BAP1: variants seen among roughly 807,000 people sequenced by gnomAD.
BAP1 encodes BRCA1 associated deubiquitinase 1, also known as ubiquitin carboxyl-terminal hydrolase BAP1.
Under a neutral mutation model 77.2 loss-of-function variants are expected in BAP1, and 16 were observed. The observed-to-expected ratio is 0.21, with a 90% CI of 0.14 to 0.31. The LOEUF (loss-of-function observed/expected upper bound fraction) is 0.31, where lower values mean the gene tolerates loss of function less well. Among genes scored for constraint, BAP1 ranks in the 10% least tolerant of loss-of-function variants. BAP1 has a pLI of 1.00. For missense variants in BAP1, 699 were observed against 967.3 expected (o/e 0.72, Z 3.68); for synonymous variants, 362 against 385.2 (o/e 0.94, Z 0.71).
Position 52,406,631 on chromosome 3 carries a change from C to T in BAP1, c.659+198G>A, listed in dbSNP as rs962224776. 2 of 843,154 alleles carry T rather than the reference C, an allele frequency of 2.4e-6. No homozygotes were observed. Among genetic ancestry groups the T allele is most frequent in the Non-Finnish European group, 1.9e-6 (1 of 536,906 alleles). 52.2% of individuals were successfully genotyped at this position (843,154 alleles called of 1,614,324 possible). ...TAAGGCTCCACTGAGGCCTGCCCCT[C>T]CCCCAGCCCACCCAGGAGCAGGCCA... On this transcript the variant is annotated intron_variant, in intron 8 of 16. Coordinates refer to ENST00000460680, the MANE Select transcript of BAP1 (RefSeq NM_004656.4). The surrounding 1 kb of genome is among the most constrained non-coding windows in gnomAD (Gnocchi z 4.6).
intron 3 of BAP1, 88 bp from the exon 4 acceptor site, chr3:52,408,694 G>T: frequency 6.9e-7 from 1 of 1,458,802 alleles, no homozygotes; most frequent in Non-Finnish European, 9.3e-7. Context: ...CCTTTGCACT[G>T]CGTCATCACT....
rs1016919474 is a variant in BAP1 at position 52,409,816 on chromosome 3, C to A, written c.37+26G>T. On this transcript the variant is annotated intron_variant, in intron 1 of 16. Transcript: ENST00000460680. ...CCGGGCCCATCCGGCCTCCCCAGCC[C>A]CTGGCCCTCCCGGTCCCCTCCTCAC... The A allele has an allele frequency of 9.3e-6, 15 of 1,612,848 alleles. No individual in the cohort carries two copies. Among genetic ancestry groups the A allele is most frequent in the East Asian group, 4.5e-5 (2 of 44,888 alleles).
At chr3:52,405,627 C>G in intron 10 of BAP1, 138 bp downstream of exon 10, 1 of 1,370,310 alleles carries the variant, frequency 7.3e-7, no homozygotes, top group Non-Finnish European at 1.0e-6. Context: ...GGAAGGACTG[C>G]TCTCCCTCTA....
chr3:52,409,996 A>C lies in BAP1; in HGVS notation c.-118T>G. On this transcript the variant is annotated 5_prime_UTR_variant, in exon 1 of 17. Transcript: ENST00000460680. ...AGTCCCACACACAGACAACGGGCCC[A>C]GTCGCGTCACCCGCCCGCGCCGGCG... 8 of 1,443,412 alleles carry C rather than the reference A, an allele frequency of 5.5e-6. No individual in the cohort carries two copies. The highest frequency in any genetic ancestry group is 7.5e-6 in the Non-Finnish European group (8 of 1,070,436). 89.4% of individuals were successfully genotyped at this position (1,443,412 alleles called of 1,614,324 possible). A position where few individuals can be genotyped will look rare whatever the true frequency, so the allele number is the denominator to read the frequency against.
In BAP1 at chr3:52,404,972, G is replaced by A. The variant is rs768450344; in HGVS notation, c.1116+138C>T. 267 of 1,169,396 alleles carry A rather than the reference G, an allele frequency of 2.3e-4. 2 individuals carry two copies. The highest frequency in any genetic ancestry group is 2.8e-4 in the Non-Finnish European group (220 of 792,910). The allele number at this position is 1,169,396 out of a possible 1,614,324, so 72.4% of individuals were successfully genotyped here. On this transcript the variant is annotated intron_variant, in intron 11 of 16. Transcript: ENST00000460680. Reference sequence around the variant, plus strand: ...GGGGGCCTTTTCATATCAGGCAGAGGAACCTAGCAACCCAGGCCCAGGCAG... The same window carrying A: ...GGGGGCCTTTTCATATCAGGCAGAGAAACCTAGCAACCCAGGCCCAGGCAG...
chr3:52,409,657 G>T, intron 2 of BAP1, 49 bp from the exon 3 acceptor site: 3 of 1,614,116 alleles, frequency 1.9e-6, no homozygotes, highest in South Asian at 1.1e-5. Flanking sequence ...CCTGATGAGT[G>T]AGGGCGCAGG....
At position 52,403,420 on chromosome 3, in the gene BAP1, C is replaced by T. The variant is rs748508800; in HGVS notation, c.1725G>A (p.Leu575=). ...AEDGVLSPLA[L]TEGGKGSSPS... is the part of the protein sequence containing the mutation. ...GTGAGCCAGTCCAAGGCCCACCTGTCAGCGCCAGGGGACTCAGCACCCCAT... is the reference window on the plus strand; with the variant it reads ...GTGAGCCAGTCCAAGGCCCACCTGTTAGCGCCAGGGGACTCAGCACCCCAT... Residue 575 remains leucine, a synonymous_variant, in exon 13 of 17, where the codon CTG becomes CTA. Coordinates refer to ENST00000460680, the MANE Select transcript of BAP1 (RefSeq NM_004656.4). This position sits in a 1 kb window ranked among gnomAD's most constrained non-coding sequence, Gnocchi z 4.0. 5.3e-5 allele frequency: 86 copies of T among 1,613,618 alleles called. No individual in the cohort carries two copies. Among genetic ancestry groups the T allele is most frequent in the Non-Finnish European group, 6.7e-5 (79 of 1,179,978 alleles).
At chr3:52,408,219 G>A in intron 4 of BAP1, 142 bp from the exon 5 acceptor site, 2 of 1,427,062 alleles carry the variant, frequency 1.4e-6, no homozygotes, top group Middle Eastern at 1.8e-4. Context: ...TTTGCCTAAT[G>A]TTTATTCATT....
In BAP1 at chr3:52,406,508, G is replaced by A. The variant is rs933240828; in HGVS notation, c.660-132C>T. ...GTATAGGCCCCACCCCAACAGGCAG[G>A]CAGCGACTAGCCATACATGCCAGGC... On this transcript the variant is annotated intron_variant, in intron 8 of 16. Transcript: ENST00000460680. The surrounding 1 kb of genome is among the most constrained non-coding windows in gnomAD (Gnocchi z 4.6). The A allele has an allele frequency of 5.6e-5, 77 of 1,381,918 alleles. No individual in the cohort carries two copies. Among genetic ancestry groups the A allele is most frequent in the Non-Finnish European group, 7.5e-5 (75 of 1,005,976 alleles). 85.6% of individuals were successfully genotyped at this position (1,381,918 alleles called of 1,614,324 possible).
rs1248277508 is a variant in BAP1 at position 52,404,690 on chromosome 3, T to G, written c.1117-104A>C. On this transcript the variant is annotated intron_variant, in intron 11 of 16. Transcript: ENST00000460680. ...AGCCAACATGGTTTTCCAGACTGAG[T>G]CAGCGGAACCCCTCCAGCTGTTCCA... 4.7e-6 allele frequency: 7 copies of G among 1,498,100 alleles called. No individual in the cohort carries two copies. The East Asian group carries it at 1.7e-4, about 37-fold the overall frequency. 92.8% of individuals were successfully genotyped at this position (1,498,100 alleles called of 1,614,324 possible).
rs943958949 is a variant in BAP1, at chr3:52,403,364, C to G, written c.1729+52G>C. 9 of 1,611,632 alleles carry G rather than the reference C, an allele frequency of 5.6e-6. No individual in the cohort carries two copies. In the African/African-American group the frequency reaches 1.2e-4, roughly 22 times the overall value. ...CACTTTGTGGTCACTTGGCCACTTC[C>G]CTCCTCCCTCCTGGGTGCACCAAGT... is the stretch of plus-strand genomic sequence containing the variant. On this transcript the variant is annotated intron_variant, in intron 13 of 16. Coordinates refer to ENST00000460680, the MANE Select transcript of BAP1 (RefSeq NM_004656.4). This position sits in a 1 kb window ranked among gnomAD's most constrained non-coding sequence, Gnocchi z 4.0.
rs1348540745 is a variant in BAP1 at position 52,409,832 on chromosome 3, C to A, written c.37+10G>T. On this transcript the variant is annotated intron_variant, in intron 1 of 16. Transcript: ENST00000460680. ...TCCCCAGCCCCTGGCCCTCCCGGTC[C>A]CCTCCTCACCTGGGTCGCTCTCCAG... The A allele has an allele frequency of 6.2e-7, 1 of 1,612,520 alleles. No individual in the cohort carries two copies. Among genetic ancestry groups the A allele is most frequent in the Non-Finnish European group, 8.5e-7 (1 of 1,179,934 alleles).
rs1047111920 is a variant in BAP1, at chr3:52,402,552, C to T, written c.2056+50G>A. The T allele has an allele frequency of 1.6e-5, 25 of 1,612,552 alleles. No individual in the cohort carries two copies. The highest frequency in any genetic ancestry group is 2.0e-5 in the Non-Finnish European group (24 of 1,178,740). ...AGGCCAGGGGAGGGGAGCTGAAGGA[C>T]ACGGCCCTCAGCAGGGCATTCCAGT... On this transcript the variant is annotated intron_variant, in intron 16 of 16. Transcript: ENST00000460680. The surrounding 1 kb of genome is among the most constrained non-coding windows in gnomAD (Gnocchi z 5.3).
At position 52,406,772 on chromosome 3, in the gene BAP1, C is replaced by T. The variant is rs1705171389; in HGVS notation, c.659+57G>A. 4 of 1,521,498 alleles carry T rather than the reference C, an allele frequency of 2.6e-6. No homozygotes were observed. Among genetic ancestry groups the T allele is most frequent in the Non-Finnish European group, 2.7e-6 (3 of 1,119,642 alleles). 94.2% of individuals were successfully genotyped at this position (1,521,498 alleles called of 1,614,324 possible). ...ACAAATCACCTGGATACTCTCTGTC[C>T]CTCCCAAAGTAGGTACAGCTCCAGA... On this transcript the variant is annotated intron_variant, in intron 8 of 16. Coordinates refer to ENST00000460680, the MANE Select transcript of BAP1 (RefSeq NM_004656.4). This position sits in a 1 kb window ranked among gnomAD's most constrained non-coding sequence, Gnocchi z 4.6.
At chr3:52,408,901 G>C (rs1485995956) in intron 3 of BAP1, among the ~76,000 whole-genome samples, 4 of 152,226 alleles carry the variant, frequency 2.6e-5, no homozygotes, top group African/African-American at 9.6e-5. Context: ...AGCTGGAACT[G>C]AGGGCCAAGG....
rs2153227582 is a variant in BAP1 at position 52,406,763 on chromosome 3, C to T, written c.659+66G>A. ...TTGCAATTTACAAATCACCTGGATA[C>T]TCTCTGTCCCTCCCAAAGTAGGTAC... On this transcript the variant is annotated intron_variant, in intron 8 of 16. Transcript: ENST00000460680. This position sits in a 1 kb window ranked among gnomAD's most constrained non-coding sequence, Gnocchi z 4.6. 6.6e-7 allele frequency: 1 copy of T among 1,506,206 alleles called. No homozygotes were observed. Among genetic ancestry groups the T allele is most frequent in the African/African-American group, 1.4e-5 (1 of 72,210 alleles). The allele number at this position is 1,506,206 out of a possible 1,614,324, so 93.3% of individuals were successfully genotyped here.
chr3:52,402,616 A>G lies in BAP1; in HGVS notation c.2042T>C (p.Met681Thr), dbSNP rs2153226187. 1 of 1,614,176 alleles carries G rather than the reference A, an allele frequency of 6.2e-7. No individual in the cohort carries two copies. The highest frequency in any genetic ancestry group is 1.1e-5 in the South Asian group (1 of 91,080). ...YDEFICTFISMLAQEGMLANL... is the reference protein window; with the variant it reads ...YDEFICTFISTLAQEGMLANL... The stretch of plus-strand genomic sequence containing the variant: ...CATCCCCTCACCTTCCTGAGCCAGC[A>G]TGGAGATAAAGGTGCAGATGAACTC... The change falls in exon 16 of 17, where the codon ATG becomes ACG. Residue 681 changes from methionine to threonine, a missense_variant. By Grantham distance (81) the Met-to-Thr change is moderately conservative. Transcript: ENST00000460680. This position sits in a 1 kb window ranked among gnomAD's most constrained non-coding sequence, Gnocchi z 5.3.
chr3:52,403,950 C>G lies in BAP1; in HGVS notation c.1251-56G>C, dbSNP rs1483970047. ...GAACGGGCCAGGTGACCATACCCAG[C>G]AGTACCCAGAATGGCTTAAATACAT... On this transcript the variant is annotated intron_variant, in intron 12 of 16. Transcript: ENST00000460680. This position sits in a 1 kb window ranked among gnomAD's most constrained non-coding sequence, Gnocchi z 4.0. 6.3e-6 allele frequency: 10 copies of G among 1,581,950 alleles called. No individual in the cohort carries two copies. The highest frequency in any genetic ancestry group is 1.3e-5 in the African/African-American group (1 of 74,276).
At position 52,404,491 on chromosome 3, in the gene BAP1, G is replaced by C. The variant is rs140998455; in HGVS notation, c.1212C>G (p.Asp404Glu). 49 of 1,614,128 alleles carry C rather than the reference G, an allele frequency of 3.0e-5. No individual in the cohort carries two copies. The African/African-American group carries it at 3.3e-4, about 11-fold the overall frequency. ...YSDDEDDYEDDEEDDVQNTNS... is the reference protein window; with the variant it reads ...YSDDEDDYEDEEEDDVQNTNS... ...TGGTGTTCTGCACGTCATCCTCCTC[G>C]TCATCCTCATAGTCATCCTCATCAT... is the stretch of plus-strand genomic sequence containing the variant. The change falls in exon 12 of 17, where the codon GAC becomes GAG. Residue 404 changes from aspartate to glutamate, a missense_variant. This residue lies in a region of BAP1 where 475 missense variants were observed against 532.4 expected (regional missense o/e 0.89). Transcript: ENST00000460680.
Sources: gnomAD v4.1 joint callset for allele counts (sites outside exome capture counted in the v4.1 genomes callset) on GRCh38, gnomAD v4.1.1 for gene constraint, gnomAD v4.1.1 regional missense constraint, Gnocchi (gnomAD v3.1) non-coding constraint, MANE v1.5 for transcripts, NCBI Gene and HGNC (gene_info 2026-07-23, HGNC 2026-07-21) for gene names.